The following BRI3 variants were observed in gnomAD, a reference collection of about 807,000 sequenced individuals.
BRI3 encodes membrane protein BRI3.
A neutral mutation model predicts 12.8 loss-of-function variants in BRI3; 6 were observed. That is an observed-to-expected ratio of 0.47 (90% CI 0.26 to 0.93). The LOEUF (loss-of-function observed/expected upper bound fraction) is 0.93. Among genes scored for constraint, BRI3 ranks in the 40% least tolerant of loss-of-function variants. The pLI is 0.15. For synonymous variants in BRI3, 91 were observed against 76.1 expected (o/e 1.20, Z -1.02); for missense variants, 134 against 171.1 (o/e 0.78, Z 1.21).
the BRI3 span, among the ~76,000 whole-genome samples, chr7:98,319,545 T>TG: frequency 2.8e-5 from 4 of 143,312 alleles, no homozygotes; most frequent in African/African-American, 1.0e-4. Flanking sequence ...CTTTTTCCTA[T>TG]GCCTTTTTTT....
upstream of BRI3, among the ~76,000 whole-genome samples, chr7:98,305,138 G>A (rs989496871): frequency 1.2e-4 from 16 of 137,386 alleles, no homozygotes; most frequent in Admixed American, 3.2e-4. Flanking sequence ...TGATCTGCCC[G>A]CCTCGGCCTC....
chr7:98,287,672 G>T (rs769515024), intron 2 of BRI3, among the ~76,000 whole-genome samples: 2 of 152,240 alleles, frequency 1.3e-5, no homozygotes, highest in Non-Finnish European at 2.9e-5. Flanking sequence ...GAGTAGGTGG[G>T]TTTTGGGTCT....
chr7:98,302,465 C>A (rs749722310), upstream of BRI3, among the ~76,000 whole-genome samples: 1 of 152,214 alleles, frequency 6.6e-6, no homozygotes, highest in Non-Finnish European at 1.5e-5. Context: ...TGGACGTCCA[C>A]ACGTGCCTCC....
chr7:98,315,345 C>G (rs1422967611), downstream of BRI3: 2 of 1,058,760 alleles, frequency 1.9e-6, no homozygotes, highest in Admixed American at 3.2e-5. Flanking sequence ...CCAGGCCCAC[C>G]TCAGCCTCCC....
chr7:98,317,734 G>T, the BRI3 span, among the ~76,000 whole-genome samples: 1 of 150,418 alleles, frequency 6.6e-6, no homozygotes, highest in Admixed American at 6.6e-5. Flanking sequence ...CCATCTGCAT[G>T]TTGGCTGGGG....
At chr7:98,320,438 C>A in the BRI3 span, 1 of 639,318 alleles carries the variant, frequency 1.6e-6, no homozygotes. Context: ...CGGGTTCAAA[C>A]TATTCTCCTG....
intron 2 of BRI3, among the ~76,000 whole-genome samples, chr7:98,283,687 T>C (rs1192365773): frequency 1.3e-5 from 2 of 152,138 alleles, no homozygotes; most frequent in Non-Finnish European, 1.5e-5. Context: ...TGCGTGTCAT[T>C]GTCCATGCCC....
intron 2 of BRI3, 33 bp from the exon 3 acceptor site, chr7:98,291,078 C>T (rs370157248): frequency 3.1e-4 from 501 of 1,612,768 alleles, no homozygotes; most frequent in Middle Eastern, 5.0e-4. Flanking sequence ...CGGGTCCTTA[C>T]GGTGCCACCC....
chr7:98,304,500 T>A (rs900024190), upstream of BRI3: 2 of 952,122 alleles, frequency 2.1e-6, no homozygotes, highest in Admixed American at 5.0e-5. Context: ...CTGATCTTGA[T>A]CTCACACACA....
chr7:98,322,574 G>C, the BRI3 span, among the ~76,000 whole-genome samples: 61,266 of 152,046 alleles, frequency 0.4, 13,327 homozygotes, highest in Middle Eastern at 0.55. Flanking sequence ...CTGCCCAGGA[G>C]AGAAGGCATG....
chr7:98,281,755 G>T lies in BRI3; in HGVS notation c.-41G>T. On this transcript the variant is annotated 5_prime_UTR_variant, in exon 1 of 3. Transcript: ENST00000297290. The stretch of plus-strand genomic sequence containing the variant: ...GCCGCGTCCCCCGCCGGGGCCGACC[G>T]AGCCGAGCCGGGCCGGAGCGGCGGG... 1 of 999,180 alleles carries T rather than the reference G, an allele frequency of 1.0e-6. No homozygotes were observed. Among genetic ancestry groups the T allele is most frequent in the Non-Finnish European group, 1.2e-6 (1 of 836,292 alleles). 61.9% of individuals were successfully genotyped at this position (999,180 alleles called of 1,614,324 possible).
downstream of BRI3, among the ~76,000 whole-genome samples, chr7:98,294,298 T>C (rs1376253341): frequency 6.6e-6 from 1 of 152,180 alleles, no homozygotes; most frequent in Non-Finnish European, 1.5e-5. Flanking sequence ...TGGCCTGTAT[T>C]GGAGATTTTT....
the BRI3 span, among the ~76,000 whole-genome samples, chr7:98,316,238 C>A: frequency 6.6e-6 from 1 of 152,278 alleles, no homozygotes; most frequent in East Asian, 1.9e-4. Flanking sequence ...TGAGGCCTCC[C>A]CGGCCATGTG....
chr7:98,291,041 G>T (rs933582603), intron 2 of BRI3, 70 bp from the exon 3 acceptor site: 2 of 1,574,322 alleles, frequency 1.3e-6, no homozygotes, highest in South Asian at 2.2e-5. Context: ...GAATGCAAGG[G>T]TGGCAGGGGT....
chr7:98,291,307 AAT>A lies in BRI3; in HGVS notation c.*66_*67del, dbSNP rs775927267. ...TTTTTCTAATGTAAATGTTGTGTACAATAATTTTATTTGATTAAGCTTCAGGA... is the reference window on the plus strand; with the variant it reads ...TTTTTCTAATGTAAATGTTGTGTACAAATTTTATTTGATTAAGCTTCAGGA... On this transcript the variant is annotated 3_prime_UTR_variant, in exon 3 of 3. Transcript: ENST00000297290. 2.5e-6 allele frequency: 4 copies of A among 1,599,542 alleles called. No homozygotes were observed. Among genetic ancestry groups the A allele is most frequent in the Non-Finnish European group, 2.6e-6 (3 of 1,172,012 alleles).
At chr7:98,314,163 A>C (rs1278803761), downstream of BRI3, among the ~76,000 whole-genome samples, 1 of 150,204 alleles carries the variant, frequency 6.7e-6, no homozygotes, top group Non-Finnish European at 1.5e-5. Context: ...TTGTATTTTT[A>C]GTAGAGACAG....
At chr7:98,293,630 T>A (rs756410863), downstream of BRI3, 2 of 1,594,246 alleles carry the variant, frequency 1.3e-6, no homozygotes, top group South Asian at 2.2e-5. Context: ...TCAGAACTTC[T>A]GCTCTACGAG....
At chr7:98,318,090 A>G in the BRI3 span, among the ~76,000 whole-genome samples, 1 of 152,148 alleles carries the variant, frequency 6.6e-6, no homozygotes, top group Non-Finnish European at 1.5e-5. Context: ...AGTTCACACC[A>G]TCCACACACT....
downstream of BRI3, among the ~76,000 whole-genome samples, chr7:98,312,760 G>GT (rs1800919067): frequency 1.3e-5 from 2 of 151,120 alleles, no homozygotes; most frequent in Admixed American, 1.3e-4. Context: ...AAGAGGGACT[G>GT]GGTGAGTGGT....
Sources: gnomAD v4.1 joint callset for allele counts (sites outside exome capture counted in the v4.1 genomes callset) on GRCh38, gnomAD v4.1.1 for gene constraint, MANE v1.5 for transcripts, NCBI Gene and HGNC (gene_info 2026-07-23, HGNC 2026-07-21) for gene names.